Variants in VGLL4 observed in about 807,000 individuals in gnomAD.
VGLL4 encodes transcription cofactor vestigial-like protein 4.
A neutral mutation model predicts 21.0 loss-of-function variants in VGLL4; 7 were observed. The ratio of observed to expected loss-of-function variants is 0.33; its 90% CI spans 0.19 to 0.63. The LOEUF is 0.63. Ranked by LOEUF, VGLL4 falls within the 20% of genes least tolerant of loss-of-function variation. VGLL4 has a pLI of 0.78. For synonymous variants in VGLL4, 222 were observed against 173.2 expected, an observed-to-expected ratio of 1.28 and a Z score of -2.21; for missense variants, 394 against 425.7, an observed-to-expected ratio of 0.93 and a Z score of 0.66.
intron 2 of VGLL4, chr3:11,582,328 T>A (rs752553890): frequency 1.3e-5 from 21 of 1,594,738 alleles, no homozygotes; most frequent in Non-Finnish European, 1.7e-5. Flanking sequence ...CAGCCCAGCG[T>A]CCTCCCACAA....
chr3:11,570,848 C>A (rs561683338), intron 2 of VGLL4, among the ~76,000 whole-genome samples: 276 of 152,332 alleles, frequency 1.8e-3, no homozygotes, highest in African/African-American at 6.3e-3. Context: ...ACAACACACA[C>A]ACAGGAGTGA....
chr3:11,711,544 G>T (rs925477388), intron 1 of VGLL4, among the ~76,000 whole-genome samples: 5 of 148,964 alleles, frequency 3.4e-5, no homozygotes, highest in Non-Finnish European at 5.9e-5. Flanking sequence ...CCTAGCCTGG[G>T]CTCCATCTCA....
chr3:11,688,697 T>C (rs1422811532), intron 2 of VGLL4, among the ~76,000 whole-genome samples: 1 of 152,226 alleles, frequency 6.6e-6, no homozygotes, highest in African/African-American at 2.4e-5. Context: ...TTGTATTTTT[T>C]AGGTTTATTG....
chr3:11,624,146 CT>C (rs2075312626), intron 1 of VGLL4, among the ~76,000 whole-genome samples: 1 of 152,164 alleles, frequency 6.6e-6, no homozygotes, highest in Non-Finnish European at 1.5e-5. Flanking sequence ...ACCTAAAAGA[CT>C]TATTTAAAAC....
At chr3:11,659,824 T>C (rs1313418918) in intron 2 of VGLL4, among the ~76,000 whole-genome samples, 1 of 152,236 alleles carries the variant, frequency 6.6e-6, no homozygotes, top group African/African-American at 2.4e-5. Context: ...GAATTTTAAC[T>C]GATTACTAAG....
chr3:11,635,740 C>T (rs1318169304), intron 1 of VGLL4, among the ~76,000 whole-genome samples: 1 of 152,248 alleles, frequency 6.6e-6, no homozygotes, highest in Admixed American at 6.5e-5. Context: ...TTAACTGCTC[C>T]GAATTTTGAA....
chr3:11,601,264 T>C (rs969970083), intron 2 of VGLL4, among the ~76,000 whole-genome samples: 3 of 152,196 alleles, frequency 2.0e-5, no homozygotes, highest in African/African-American at 4.8e-5. Flanking sequence ...AAGGACTGGC[T>C]GGATGTGGTG....
intron 1 of VGLL4, chr3:11,610,500 AC>A (rs2075040403): frequency 6.6e-6 from 1 of 152,062 alleles, no homozygotes; most frequent in Admixed American, 6.5e-5. Context: ...CACCTCTCAT[AC>A]TATAATGCTC....
At chr3:11,688,323 A>C (rs2125389272) in intron 2 of VGLL4, among the ~76,000 whole-genome samples, 2 of 152,318 alleles carry the variant, frequency 1.3e-5, no homozygotes, top group Admixed American at 1.3e-4. Flanking sequence ...CTATACTATA[A>C]AATAGTCTTA....
chr3:11,713,711 G>T (rs941623277), intron 1 of VGLL4, among the ~76,000 whole-genome samples: 1 of 151,784 alleles, frequency 6.6e-6, no homozygotes, highest in African/African-American at 2.4e-5. Context: ...CAGGAGGGAG[G>T]TCTACAGGCT....
chr3:11,632,630 C>G (rs1193736257), intron 1 of VGLL4, among the ~76,000 whole-genome samples: 2 of 152,198 alleles, frequency 1.3e-5, no homozygotes, highest in African/African-American at 4.8e-5. Flanking sequence ...AATTCATATT[C>G]TGAAGTTTGA....
chr3:11,693,121 AG>A (rs1368040940), intron 2 of VGLL4: 2 of 218,042 alleles, frequency 9.2e-6, no homozygotes. Flanking sequence ...CAGTGAGCCA[AG>A]ATTGTGCCAC....
chr3:11,617,090 T>A (rs563931665), intron 1 of VGLL4, among the ~76,000 whole-genome samples: 6 of 152,196 alleles, frequency 3.9e-5, no homozygotes, highest in Non-Finnish European at 7.4e-5. Flanking sequence ...TTTATTTTTT[T>A]AAAAAAAGAG....
chr3:11,635,221 C>A (rs923639188), intron 1 of VGLL4, among the ~76,000 whole-genome samples: 5 of 152,066 alleles, frequency 3.3e-5, no homozygotes, highest in African/African-American at 9.7e-5. Context: ...ACGTGGATGG[C>A]AAGGACGATA....
At chr3:11,685,586 A>G (rs181693230) in intron 2 of VGLL4, among the ~76,000 whole-genome samples, 2 of 152,338 alleles carry the variant, frequency 1.3e-5, no homozygotes, top group Admixed American at 6.5e-5. Flanking sequence ...CAACATTCAC[A>G]TGTGTCTTTA....
In VGLL4 at chr3:11,556,937, G is replaced by A. The variant is rs2072480051; in HGVS notation, c.*1619C>T. Reference sequence around the variant, plus strand: ...GCCTGCAGCCACTCTGTGACTACAAGAGCCAGTCCTCCGACCTTTTCACCC... The same window carrying A: ...GCCTGCAGCCACTCTGTGACTACAAAAGCCAGTCCTCCGACCTTTTCACCC... On this transcript the variant is annotated 3_prime_UTR_variant, in exon 5 of 5. Coordinates refer to ENST00000430365, the MANE Select transcript of VGLL4 (RefSeq NM_001128219.3). The A allele has an allele frequency of 1.3e-5, 2 of 152,732 alleles. No individual in the cohort carries two copies. The highest frequency in any genetic ancestry group is 2.9e-5 in the Non-Finnish European group (2 of 68,068). 9.5% of individuals were successfully genotyped at this position (152,732 alleles called of 1,614,324 possible).
chr3:11,684,676 T>G (rs2076419776), intron 2 of VGLL4, among the ~76,000 whole-genome samples: 2 of 151,962 alleles, frequency 1.3e-5, no homozygotes, highest in Admixed American at 1.3e-4. Context: ...CCACCACGCC[T>G]GGTCCCTAAC....
intron 2 of VGLL4, among the ~76,000 whole-genome samples, chr3:11,662,168 A>C (rs116385345): frequency 0.024 from 3,697 of 152,308 alleles, 144 homozygotes; most frequent in African/African-American, 0.082. Flanking sequence ...ACAGGGCCAC[A>C]TAACAAGAAA....
rs941725839 is a variant in VGLL4, at chr3:11,628,122, C to T, written c.82+15315G>A. 3.9e-5 allele frequency among the ~76,000 whole-genome samples: 6 copies of T among 152,300 alleles called. No individual in the cohort carries two copies. In the South Asian group the frequency reaches 8.3e-4, roughly 21 times the overall value. Reference sequence around the variant, plus strand: ...ACATCAAATTGGCCCAGCATGGTGGCTCATGCCTATAATCCCAGCACTTTG... The same window carrying T: ...ACATCAAATTGGCCCAGCATGGTGGTTCATGCCTATAATCCCAGCACTTTG... On this transcript the variant is annotated intron_variant, in intron 1 of 4. Coordinates refer to ENST00000430365, the MANE Select transcript of VGLL4 (RefSeq NM_001128219.3).
Sources: allele counts gnomAD v4.1 joint callset (sites outside exome capture counted in the v4.1 genomes callset), GRCh38; gene constraint gnomAD v4.1.1; transcripts MANE v1.5; gene names NCBI Gene and HGNC (gene_info 2026-07-23, HGNC 2026-07-21).